The following SATB2 variants were observed in gnomAD, a reference collection of about 807,000 sequenced individuals.
The protein encoded by SATB2 is DNA-binding protein SATB2.
A neutral mutation model predicts 73.4 loss-of-function variants in SATB2; 1 was observed. That is an observed-to-expected ratio of 0.01 (90% confidence interval 0.00 to 0.06). The LOEUF is 0.06. SATB2 is among the 10% of genes least tolerant of loss of function. The pLI is 1.00. For missense variants in SATB2, 459 were observed against 945.8 expected, an observed-to-expected ratio of 0.49 and a Z score of 6.75; for synonymous variants, 397 against 367.0, an observed-to-expected ratio of 1.08 and a Z score of -0.93.
chr2:199,280,728 C>T (rs1217575873), intron 10 of SATB2, among the ~76,000 whole-genome samples: 1 of 152,154 alleles, frequency 6.6e-6, no homozygotes, highest in Non-Finnish European at 1.5e-5. Context: ...GACCAGTTGT[C>T]TGCTCTCAAA....
chr2:199,273,319 A>G (rs775653361), intron 10 of SATB2, among the ~76,000 whole-genome samples: 1 of 152,150 alleles, frequency 6.6e-6, no homozygotes, highest in Non-Finnish European at 1.5e-5. Context: ...ATTCTATTCT[A>G]TTGCAAAAAC....
chr2:199,331,540 G>C (rs1688191151), intron 7 of SATB2, among the ~76,000 whole-genome samples: 1 of 152,110 alleles, frequency 6.6e-6, no homozygotes, highest in South Asian at 2.1e-4. Context: ...CATATGTGTA[G>C]CTATGGTCCC....
At chr2:199,442,456 G>A (rs1477375366) in intron 2 of SATB2, among the ~76,000 whole-genome samples, 2 of 152,174 alleles carry the variant, frequency 1.3e-5, no homozygotes, top group East Asian at 1.9e-4. Flanking sequence ...CTAGAGCCAC[G>A]GGGGTCTTGT....
At chr2:199,297,237 A>C (rs1050657247) in intron 10 of SATB2, among the ~76,000 whole-genome samples, 1 of 152,204 alleles carries the variant, frequency 6.6e-6, no homozygotes, top group Non-Finnish European at 1.5e-5. Flanking sequence ...TGTTGCCATC[A>C]ATAGTTAAAA....
intron 6 of SATB2, among the ~76,000 whole-genome samples, chr2:199,365,310 A>G (rs1689250987): frequency 6.6e-6 from 1 of 152,090 alleles, no homozygotes; most frequent in African/African-American, 2.4e-5. Flanking sequence ...AATTAAAAAA[A>G]AAATGCTGTC....
chr2:199,342,400 C>T (rs1688531434), intron 7 of SATB2, among the ~76,000 whole-genome samples: 1 of 148,090 alleles, frequency 6.8e-6, no homozygotes, highest in Non-Finnish European at 1.5e-5. Flanking sequence ...GAAAGCAGGG[C>T]TAATCTCATC....
intron 6 of SATB2, among the ~76,000 whole-genome samples, chr2:199,360,043 G>C: frequency 6.6e-6 from 1 of 152,182 alleles, no homozygotes; most frequent in Non-Finnish European, 1.5e-5. Flanking sequence ...TATAGTTAAA[G>C]TGCTTCAAGC....
At chr2:199,305,095 T>C (rs575656326) in intron 10 of SATB2, among the ~76,000 whole-genome samples, 1 of 152,224 alleles carries the variant, frequency 6.6e-6, no homozygotes, top group Non-Finnish European at 1.5e-5. Flanking sequence ...GCAAAGGCAC[T>C]TGTGGCTTTG....
intron 5 of SATB2, among the ~76,000 whole-genome samples, chr2:199,373,298 CAT>C (rs943332423): frequency 1.1e-4 from 17 of 151,884 alleles, no homozygotes; most frequent in Admixed American, 1.1e-3. Context: ...TGCTAAATAA[CAT>C]ATTAAACATG....
chr2:199,338,480 A>G (rs1688404062), intron 7 of SATB2, among the ~76,000 whole-genome samples: 1 of 152,180 alleles, frequency 6.6e-6, no homozygotes, highest in South Asian at 2.1e-4. Context: ...AAATGAGTCA[A>G]TCATTCCCTG....
At chr2:199,413,020 C>T (rs573931396) in intron 3 of SATB2, among the ~76,000 whole-genome samples, 1 of 152,156 alleles carries the variant, frequency 6.6e-6, no homozygotes, top group South Asian at 2.1e-4. Flanking sequence ...AACACCAGTG[C>T]CAAGGAATAT....
At chr2:199,379,511 T>TA (rs1481865026) in intron 5 of SATB2, among the ~76,000 whole-genome samples, 1 of 151,498 alleles carries the variant, frequency 6.6e-6, no homozygotes, top group Non-Finnish European at 1.5e-5. Context: ...GGGTGGGGAG[T>TA]AGCATCTCAG....
intron 3 of SATB2, among the ~76,000 whole-genome samples, chr2:199,416,694 A>G (rs1690996834): frequency 6.6e-6 from 1 of 152,190 alleles, no homozygotes; most frequent in Non-Finnish European, 1.5e-5. Context: ...GTCATTTCTT[A>G]CTGCCTTGTT....
upstream of SATB2, chr2:199,468,950 G>C (rs1308509806): frequency 1.3e-5 from 2 of 152,406 alleles, no homozygotes; most frequent in Non-Finnish European, 2.9e-5. Context: ...TGCAGGGGGA[G>C]ATGACCCAGG....
upstream of SATB2, among the ~76,000 whole-genome samples, chr2:199,461,839 G>A (rs1484305906): frequency 1.3e-5 from 2 of 152,142 alleles, no homozygotes; most frequent in Admixed American, 1.3e-4. Context: ...TCTCTGTCAG[G>A]CCTTCTTTTA....
intron 3 of SATB2, among the ~76,000 whole-genome samples, chr2:199,393,096 C>T (rs1452340673): frequency 6.6e-6 from 1 of 152,084 alleles, no homozygotes; most frequent in Non-Finnish European, 1.5e-5. Flanking sequence ...GGAGTGTCCG[C>T]AATCAGAGAA....
chr2:199,458,407 G>A (rs924263463), upstream of SATB2: 4 of 367,280 alleles, frequency 1.1e-5, no homozygotes, highest in East Asian at 1.3e-4. Context: ...GGGGTGACGA[G>A]GACCTCATGC....
intron 10 of SATB2, among the ~76,000 whole-genome samples, chr2:199,277,200 T>C (rs1162184415): frequency 6.6e-6 from 1 of 152,116 alleles, no homozygotes; most frequent in Non-Finnish European, 1.5e-5. Context: ...TGGAAGCGGG[T>C]GGAAGATAGC....
At chr2:199,458,236 AG>A (rs1396740100), upstream of SATB2, 2 of 137,320 alleles carry the variant, frequency 1.5e-5, no homozygotes, top group South Asian at 5.4e-5. Flanking sequence ...TTGCGGGGGG[AG>A]GGGGGCCCCG....
Sources: gnomAD v4.1 joint callset for allele counts (sites outside exome capture counted in the v4.1 genomes callset) on GRCh38, gnomAD v4.1.1 for gene constraint, MANE v1.5 for transcripts, NCBI Gene and HGNC (gene_info 2026-07-23, HGNC 2026-07-21) for gene names.